The following FGF14 variants were observed in gnomAD, a reference collection of about 807,000 sequenced individuals.
FGF14 encodes fibroblast growth factor homologous factor 4.
FGF14 carries 5 observed loss-of-function variants against 25.5 expected under a neutral mutation model. That is an observed-to-expected ratio of 0.20 (90% CI 0.10 to 0.41). The LOEUF is 0.41. FGF14 is among the 10% of genes least tolerant of loss of function. The pLI is 1.00. For synonymous variants in FGF14, 138 were observed against 118.3 expected (o/e 1.17, Z -1.08); for missense variants, 222 against 320.1 (o/e 0.69, Z 2.34).
chr13:102,126,501 T>C (rs2045955367), intron 1 of FGF14, among the ~76,000 whole-genome samples: 1 of 152,214 alleles, frequency 6.6e-6, no homozygotes, highest in Non-Finnish European at 1.5e-5. Flanking sequence ...ACCATTTGGC[T>C]ACTGTGAATA....
chr13:102,299,599 T>TAGGCA (rs2054918438), intron 1 of FGF14, among the ~76,000 whole-genome samples: 1 of 152,064 alleles, frequency 6.6e-6, no homozygotes, highest in Non-Finnish European at 1.5e-5. Context: ...TTTCCCGATT[T>TAGGCA]AGGCAAGGAG....
intron 3 of FGF14, among the ~76,000 whole-genome samples, chr13:101,787,662 GTCT>G (rs1451922466): frequency 6.6e-6 from 1 of 152,098 alleles, no homozygotes; most frequent in Non-Finnish European, 1.5e-5. Context: ...CAAGCATCCT[GTCT>G]TCTTTTCTGT....
intron 3 of FGF14, among the ~76,000 whole-genome samples, chr13:101,835,232 T>G (rs1594421702): frequency 6.6e-6 from 1 of 152,158 alleles, no homozygotes; most frequent in East Asian, 1.9e-4. Flanking sequence ...TATGTGGGTG[T>G]GTGTGTGAGA....
intron 1 of FGF14, among the ~76,000 whole-genome samples, chr13:102,158,142 G>A (rs574120719): frequency 1.6e-4 from 24 of 152,222 alleles, no homozygotes; most frequent in Admixed American, 3.9e-4. Flanking sequence ...AACTAGAAAT[G>A]CCATTTGACC....
intron 1 of FGF14, among the ~76,000 whole-genome samples, chr13:102,253,649 T>C (rs2052305670): frequency 6.6e-6 from 1 of 152,222 alleles, no homozygotes; most frequent in Admixed American, 6.5e-5. Flanking sequence ...TATTTTGCTG[T>C]GCAGAAGCTC....
chr13:102,200,746 G>A (rs1415054), intron 1 of FGF14, among the ~76,000 whole-genome samples: 118,535 of 151,844 alleles, frequency 0.78, 46,351 homozygotes, highest in Middle Eastern at 0.87. Flanking sequence ...GTGGAGTGTC[G>A]ACTTCATTTG....
chr13:101,791,047 C>T (rs1410139234), intron 3 of FGF14, among the ~76,000 whole-genome samples: 1 of 151,874 alleles, frequency 6.6e-6, no homozygotes, highest in Non-Finnish European at 1.5e-5. Context: ...TTTGCTAACA[C>T]ACAAGCATTA....
At chr13:102,223,142 A>G (rs966692586) in intron 1 of FGF14, among the ~76,000 whole-genome samples, 2 of 152,198 alleles carry the variant, frequency 1.3e-5, no homozygotes, top group African/African-American at 2.4e-5. Context: ...GAAAAATGCT[A>G]AAGTCACAAG....
chr13:102,334,306 C>A (rs1379927347), intron 1 of FGF14, among the ~76,000 whole-genome samples: 1 of 152,088 alleles, frequency 6.6e-6, no homozygotes, highest in Non-Finnish European at 1.5e-5. Flanking sequence ...TGGGTAGATT[C>A]CGTGAGTCAA....
chr13:102,370,707 C>T (rs992509695), intron 1 of FGF14, among the ~76,000 whole-genome samples: 1 of 152,094 alleles, frequency 6.6e-6, no homozygotes, highest in Non-Finnish European at 1.5e-5. Flanking sequence ...TCCTGTTATT[C>T]TTATAATACC....
chr13:101,828,400 C>T lies in FGF14; in HGVS notation c.408+40325G>A, dbSNP rs527446140. ...ACATACTCGTCCCTGGTAACTGTTT[C>T]TATGACCAAATGATAATCATTAATT... On this transcript the variant is annotated intron_variant, in intron 3 of 4. Coordinates refer to ENST00000376143, the MANE Select transcript of FGF14 (RefSeq NM_004115.4). 6.6e-5 allele frequency among the ~76,000 whole-genome samples: 10 copies of T among 151,962 alleles called. No individual in the cohort carries two copies. The South Asian group carries it at 1.2e-3, about 19-fold the overall frequency.
intron 1 of FGF14, among the ~76,000 whole-genome samples, chr13:102,197,110 G>GT (rs1479407426): frequency 6.6e-6 from 1 of 152,134 alleles, no homozygotes; most frequent in East Asian, 1.9e-4. Flanking sequence ...ACATTCCATT[G>GT]TAAGAACAGG....
At chr13:102,348,381 G>GA (rs1555404472) in intron 1 of FGF14, among the ~76,000 whole-genome samples, 1 of 152,036 alleles carries the variant, frequency 6.6e-6, no homozygotes, top group Non-Finnish European at 1.5e-5. Flanking sequence ...TTGAAGCAAA[G>GA]AAAAAACAGA....
Position 101,819,348 on chromosome 13 carries a change from G to A in FGF14, c.408+49377C>T, listed in dbSNP as rs116405444. ...TATGAAAAATAAAATATACTCAACT[G>A]AAAGTCCCAGAATGTGGCATGAATT... On this transcript the variant is annotated intron_variant, in intron 3 of 4. Coordinates refer to ENST00000376143, the MANE Select transcript of FGF14 (RefSeq NM_004115.4). Among the ~76,000 whole-genome samples, 689 of 152,270 alleles carry A rather than the reference G, an allele frequency of 4.5e-3. 6 individuals are homozygous for A. The highest frequency in any genetic ancestry group is 0.016 in the African/African-American group (655 of 41,558).
intron 1 of FGF14, among the ~76,000 whole-genome samples, chr13:101,956,338 C>T (rs1231226855): frequency 1.3e-5 from 2 of 152,210 alleles, no homozygotes; most frequent in Non-Finnish European, 2.9e-5. Flanking sequence ...TATCATGTAA[C>T]TCCTCTCCAA....
chr13:102,005,231 T>A (rs1006970081), intron 1 of FGF14, among the ~76,000 whole-genome samples: 2 of 152,212 alleles, frequency 1.3e-5, no homozygotes, highest in Admixed American at 1.3e-4. Context: ...AGTTATCATA[T>A]CCATTCAGTG....
intron 3 of FGF14, among the ~76,000 whole-genome samples, chr13:101,736,470 T>C (rs1409479926): frequency 3.3e-5 from 5 of 152,182 alleles, no homozygotes; most frequent in East Asian, 3.8e-4. Context: ...ATAAAATCTC[T>C]GGGCTTTTAT....
intron 3 of FGF14, among the ~76,000 whole-genome samples, chr13:101,852,306 A>G (rs1341630639): frequency 6.6e-6 from 1 of 152,122 alleles, no homozygotes; most frequent in African/African-American, 2.4e-5. Flanking sequence ...CCAATAAGAC[A>G]TTAATACATA....
chr13:101,847,817 T>G (rs2043542104), intron 3 of FGF14, among the ~76,000 whole-genome samples: 2 of 152,036 alleles, frequency 1.3e-5, no homozygotes, highest in Admixed American at 6.6e-5. Context: ...AGAAATCCAA[T>G]GAAATTTAAA....
Sources: gnomAD v4.1 joint callset for allele counts (sites outside exome capture counted in the v4.1 genomes callset) on GRCh38, gnomAD v4.1.1 for gene constraint, MANE v1.5 for transcripts, NCBI Gene and HGNC (gene_info 2026-07-23, HGNC 2026-07-21) for gene names.